TTLL9: variants seen among roughly 807,000 people sequenced by gnomAD.
TTLL9 encodes tubulin tyrosine ligase like 9, also known as probable tubulin polyglutamylase TTLL9.
TTLL9 carries 47 observed loss-of-function variants against 65.6 expected under a neutral mutation model. That is an observed-to-expected ratio of 0.72 (90% CI 0.57 to 0.91). The LOEUF (loss-of-function observed/expected upper bound fraction) is 0.91. Among genes scored for constraint, TTLL9 ranks in the 40% least tolerant of loss-of-function variants. TTLL9 has a pLI of 0.00. For missense variants in TTLL9, 537 were observed against 568.8 expected, an observed-to-expected ratio of 0.94 and a Z score of 0.57; for synonymous variants, 179 against 204.8, an observed-to-expected ratio of 0.87 and a Z score of 1.07.
At position 31,925,027 on chromosome 20, in the gene TTLL9, G is replaced by C. The variant is rs182039160; in HGVS notation, c.683G>C (p.Arg228Pro). 1.2e-6 allele frequency: 2 copies of C among 1,614,080 alleles called. No individual in the cohort carries two copies. The highest frequency in any genetic ancestry group is 1.7e-6 in the Non-Finnish European group (2 of 1,179,992). Residue 228 changes from arginine (R) to proline (P), a missense_variant, in exon 9 of 15, where the codon CGT (arginine) becomes CCT (proline). Physicochemically the swap from Arg to Pro is moderately radical, Grantham distance 103. Transcript: ENST00000535842. ...YLIGGRKFDLRVYVLVMSVFA... is the reference protein window; with the variant it reads ...YLIGGRKFDLPVYVLVMSVFA... ...CTGACAGGCCGCAAGTTTGACCTGC[G>C]TGTCTATGTGCTGGTGATGTCGGTG...
At chr20:31,894,023 T>C (rs2063347413) in intron 3 of TTLL9, among the ~76,000 whole-genome samples, 1 of 151,982 alleles carries the variant, frequency 6.6e-6, no homozygotes, top group Non-Finnish European at 1.5e-5. Context: ...CAATGCCTAG[T>C]CTCTTGTTAA....
At chr20:31,912,731 C>T (rs1240261998) in intron 6 of TTLL9, among the ~76,000 whole-genome samples, 1 of 151,836 alleles carries the variant, frequency 6.6e-6, no homozygotes, top group East Asian at 1.9e-4. Context: ...CAGGATGGAG[C>T]TTCAGGCAGG....
intron 9 of TTLL9, 89 bp from the exon 10 acceptor site, chr20:31,925,960 T>C: frequency 6.3e-7 from 1 of 1,579,054 alleles, no homozygotes; most frequent in Non-Finnish European, 8.6e-7. Context: ...TGATGACCAG[T>C]GTATCCTGGG....
intron 2 of TTLL9, among the ~76,000 whole-genome samples, chr20:31,881,887 A>G (rs2063123092): frequency 6.6e-6 from 1 of 152,250 alleles, no homozygotes; most frequent in African/African-American, 2.4e-5. Flanking sequence ...TGAATATAGT[A>G]TAGACATGGG....
chr20:31,943,027 A>G lies in TTLL9; in HGVS notation c.*6A>G. The G allele has an allele frequency of 6.2e-7, 1 of 1,613,776 alleles. No homozygotes were observed. The stretch of plus-strand genomic sequence containing the variant: ...AGAAGAAAGCTTCCAGTTGATCCCC[A>G]GCTGCCAGGAGGAAATCAGCCTTAG... On this transcript the variant is annotated 3_prime_UTR_variant, in exon 15 of 15. Transcript: ENST00000535842.
chr20:31,884,120 G>A, intron 2 of TTLL9: 1 of 491,920 alleles, frequency 2.0e-6, no homozygotes, highest in Non-Finnish European at 3.7e-6. Context: ...TACAAAATCA[G>A]TTATACTTCT....
intron 8 of TTLL9, among the ~76,000 whole-genome samples, chr20:31,923,378 G>C (rs571051147): frequency 6.6e-6 from 1 of 152,284 alleles, no homozygotes; most frequent in South Asian, 2.1e-4. Context: ...CCCTCACCCT[G>C]CTCTCCTGGA....
intron 3 of TTLL9, among the ~76,000 whole-genome samples, chr20:31,896,611 C>A (rs550807089): frequency 1.8e-4 from 28 of 152,050 alleles, no homozygotes; most frequent in African/African-American, 6.5e-4. Context: ...CTCACTGCAA[C>A]CTCTGCCTCC....
chr20:31,902,123 C>T (rs746573933), intron 4 of TTLL9, among the ~76,000 whole-genome samples: 2 of 151,772 alleles, frequency 1.3e-5, no homozygotes, highest in Non-Finnish European at 2.9e-5. Context: ...TTTTTTCCCC[C>T]ACATACCTGC....
At chr20:31,905,584 CGGTGT>C (rs1270264834) in intron 4 of TTLL9, among the ~76,000 whole-genome samples, 5 of 152,084 alleles carry the variant, frequency 3.3e-5, no homozygotes, top group Non-Finnish European at 5.9e-5. Context: ...CATCTGTGCA[CGGTGT>C]GTGCACAGAT....
intron 11 of TTLL9, among the ~76,000 whole-genome samples, chr20:31,934,074 T>C (rs1479038974): frequency 6.6e-6 from 1 of 152,222 alleles, no homozygotes; most frequent in Non-Finnish European, 1.5e-5. Flanking sequence ...CAAATCACAC[T>C]AACACACACC....
At chr20:31,883,987 A>C (rs997476804) in intron 2 of TTLL9, 1 of 468,660 alleles carries the variant, frequency 2.1e-6, no homozygotes, top group African/African-American at 2.0e-5. Context: ...AATATTGAAA[A>C]GAAAGAAGTA....
chr20:31,902,226 T>C (rs1043789265), intron 4 of TTLL9, among the ~76,000 whole-genome samples: 3 of 152,252 alleles, frequency 2.0e-5, no homozygotes, highest in South Asian at 4.1e-4. Context: ...TCTCCCTCCC[T>C]CCAGCCTCTG....
chr20:31,873,793 A>AAGG (rs2062987546), intron 2 of TTLL9, among the ~76,000 whole-genome samples: 3 of 127,638 alleles, frequency 2.4e-5, no homozygotes, highest in Non-Finnish European at 3.3e-5. Flanking sequence ...AAAAAGAAAG[A>AAGG]AAGGAAGGAA....
At position 31,870,786 on chromosome 20, in the gene TTLL9, C is replaced by T. The variant is rs181122326; in HGVS notation, c.-169C>T. 1.0e-3 allele frequency: 494 copies of T among 484,072 alleles called. 4 individuals are homozygous for T. The highest frequency in any genetic ancestry group is 9.3e-3 in the African/African-American group (461 of 49,762). The allele number at this position is 484,072 out of a possible 1,614,324, so 30.0% of individuals were successfully genotyped here. A position where few individuals can be genotyped will look rare whatever the true frequency, so the allele number is the denominator to read the frequency against. Reference sequence around the variant, plus strand: ...ATGTCGCCTAGAGCCCCCCGGCCGGCCCACAAACTCCCGTCCCCCTTCCGG... The same window carrying T: ...ATGTCGCCTAGAGCCCCCCGGCCGGTCCACAAACTCCCGTCCCCCTTCCGG... On this transcript the variant is annotated 5_prime_UTR_variant, in exon 1 of 15. Coordinates refer to ENST00000535842, the MANE Select transcript of TTLL9 (RefSeq NM_001008409.5). The surrounding 1 kb of genome is among the most constrained non-coding windows in gnomAD (Gnocchi z 6.6).
intron 3 of TTLL9, among the ~76,000 whole-genome samples, chr20:31,890,536 C>A (rs780176577): frequency 7.2e-5 from 11 of 152,028 alleles, no homozygotes; most frequent in Non-Finnish European, 1.6e-4. Context: ...AGAAACTGAC[C>A]CTGAGGGAAG....
chr20:31,942,904 A>G (rs2064238409), intron 14 of TTLL9, 41 bp from the exon 15 acceptor site: 1 of 1,609,754 alleles, frequency 6.2e-7, no homozygotes, highest in Admixed American at 1.7e-5. Flanking sequence ...CACTCCTCCC[A>G]AGCATAGGTC....
chr20:31,921,393 A>T (rs2063813835), intron 7 of TTLL9, among the ~76,000 whole-genome samples: 1 of 152,226 alleles, frequency 6.6e-6, no homozygotes. Flanking sequence ...AACTAGTTCA[A>T]CCAGTGTGGA....
At chr20:31,934,639 C>T in intron 11 of TTLL9, 53 bp from the exon 12 acceptor site, 1 of 1,508,254 alleles carries the variant, frequency 6.6e-7, no homozygotes, top group Non-Finnish European at 9.0e-7. Context: ...TCCTAGCAGG[C>T]CAGGTCCTGA....
Sources: allele counts gnomAD v4.1 joint callset (sites outside exome capture counted in the v4.1 genomes callset), GRCh38; gene constraint gnomAD v4.1.1; non-coding constraint Gnocchi (gnomAD v3.1); transcripts MANE v1.5; gene names NCBI Gene and HGNC (gene_info 2026-07-23, HGNC 2026-07-21).